The following SATB2 variants were observed in gnomAD, a reference collection of about 807,000 sequenced individuals.
The protein encoded by SATB2 is DNA-binding protein SATB2.
A neutral mutation model predicts 73.4 loss-of-function variants in SATB2; 1 was observed. The observed-to-expected ratio is 0.01, with a 90% CI of 0.00 to 0.06. SATB2 has a LOEUF of 0.06. SATB2 is among the 10% of genes least tolerant of loss of function. The pLI, the probability that SATB2 is intolerant of heterozygous loss-of-function variation, is 1.00. For missense variants in SATB2, 459 were observed against 945.8 expected (o/e 0.49, Z 6.75); for synonymous variants, 397 against 367.0 (o/e 1.08, Z -0.93).
chr2:199,349,499 C>T (rs1012426427), intron 6 of SATB2, among the ~76,000 whole-genome samples: 11 of 152,160 alleles, frequency 7.2e-5, no homozygotes, highest in African/African-American at 2.2e-4. Context: ...CTATCATCTC[C>T]CCAATCAACC....
At chr2:199,352,565 T>C (rs143173409) in intron 6 of SATB2, among the ~76,000 whole-genome samples, 5 of 152,286 alleles carry the variant, frequency 3.3e-5, no homozygotes, top group African/African-American at 1.2e-4. Flanking sequence ...TGTAAAGACA[T>C]AGCAACATAT....
intron 3 of SATB2, among the ~76,000 whole-genome samples, chr2:199,430,622 A>G (rs1365062154): frequency 6.6e-6 from 1 of 152,184 alleles, no homozygotes; most frequent in Non-Finnish European, 1.5e-5. Context: ...TAACACAGGG[A>G]AAGAAATCCC....
intron 3 of SATB2, chr2:199,395,910 G>A (rs926926583): frequency 3.9e-5 from 6 of 152,204 alleles, no homozygotes; most frequent in African/African-American, 1.4e-4. Context: ...ACTTTCGTAT[G>A]TATTTTGGGT....
rs1559160134 is a variant in SATB2, at chr2:199,321,509, T to TGTATATATGTATATATACACATACAC, written c.1542+2293_1542+2294insGTGTATGTGTATATATACATATATAC. On this transcript the variant is annotated intron_variant, in intron 9 of 10. Coordinates refer to ENST00000417098, the MANE Select transcript of SATB2 (RefSeq NM_001172509.2). ...GTATATATGTGTATATACACATACA[T>TGTATATATGTATATATACACATACAC]GTATATACACACATATACATATATA... Among the ~76,000 whole-genome samples the TGTATATATGTATATATACACATACAC allele has an allele frequency of 2.7e-5, 4 of 150,700 alleles. No individual in the cohort carries two copies. In the Admixed American group the frequency reaches 2.7e-4, roughly 10 times the overall value.
chr2:199,445,016 A>G (rs1415649851), intron 2 of SATB2, among the ~76,000 whole-genome samples: 1 of 152,202 alleles, frequency 6.6e-6, no homozygotes, highest in Non-Finnish European at 1.5e-5. Flanking sequence ...ACTGTCTCCC[A>G]CAAACTCACT....
chr2:199,346,339 G>A (rs982640929), intron 7 of SATB2, among the ~76,000 whole-genome samples: 63 of 151,906 alleles, frequency 4.1e-4, no homozygotes, highest in African/African-American at 1.4e-3. Flanking sequence ...TAGTGGAGAC[G>A]AGGTTTCACC....
Position 199,447,742 on chromosome 2 carries a change from C to T in SATB2, c.169+8127G>A, listed in dbSNP as rs1369118650. On this transcript the variant is annotated intron_variant, in intron 2 of 10. Coordinates refer to ENST00000417098, the MANE Select transcript of SATB2 (RefSeq NM_001172509.2). ...GAACTTCCCAGGGAAGAATGAGAGC[C>T]AAATGGTCTCTCCCTAAAACAGATT... Among the ~76,000 whole-genome samples, 4 of 36,962 alleles carry T rather than the reference C, an allele frequency of 1.1e-4. 2 individuals carry two copies. The highest frequency in any genetic ancestry group is 6.5e-4 in the Non-Finnish European group (4 of 6,108). The allele number at this position is 36,962 out of a possible 152,430, so 24.2% of individuals were successfully genotyped here.
chr2:199,431,541 T>C (rs1371879787), intron 3 of SATB2, among the ~76,000 whole-genome samples: 1 of 152,238 alleles, frequency 6.6e-6, no homozygotes, highest in Non-Finnish European at 1.5e-5. Flanking sequence ...TTAGCCTTAA[T>C]ATTCAAAAAC....
chr2:199,334,507 T>C (rs918067513), intron 7 of SATB2, among the ~76,000 whole-genome samples: 55 of 152,078 alleles, frequency 3.6e-4, no homozygotes, highest in African/African-American at 1.3e-3. Context: ...TTGGCACTCA[T>C]ATGGGCCAAC....
chr2:199,290,821 C>T (rs1047328849), intron 10 of SATB2, among the ~76,000 whole-genome samples: 2 of 152,176 alleles, frequency 1.3e-5, no homozygotes, highest in Non-Finnish European at 2.9e-5. Flanking sequence ...ATCACTAGAA[C>T]TTAAAGGGCC....
At chr2:199,356,829 G>A (rs1688999044) in intron 6 of SATB2, among the ~76,000 whole-genome samples, 1 of 151,888 alleles carries the variant, frequency 6.6e-6, no homozygotes, top group African/African-American at 2.4e-5. Flanking sequence ...AACTGTATTG[G>A]CATTTCAGGT....
At chr2:199,349,806 C>T (rs1446907982) in intron 6 of SATB2, among the ~76,000 whole-genome samples, 1 of 152,056 alleles carries the variant, frequency 6.6e-6, no homozygotes, top group Admixed American at 6.6e-5. Context: ...AATAACATCA[C>T]CTCAACTTGC....
In SATB2 at chr2:199,337,736, A is replaced by G. The variant is rs563864659; in HGVS notation, c.1174-8826T>C. Among the ~76,000 whole-genome samples the G allele has an allele frequency of 3.9e-4, 59 of 152,340 alleles. No homozygotes were observed. In the Middle Eastern group the frequency reaches 0.014, roughly 35 times the overall value. On this transcript the variant is annotated intron_variant, in intron 7 of 10. Transcript: ENST00000417098. ...CAATTTTAGACACAGAACTGTATACAGAATTGAAACAACCTAGTAATTTCA... is the reference window on the plus strand; with the variant it reads ...CAATTTTAGACACAGAACTGTATACGGAATTGAAACAACCTAGTAATTTCA...
Position 199,455,732 on chromosome 2 carries a change from CG to C in SATB2, c.169+136del, listed in dbSNP as rs1559065839. 1.1e-6 allele frequency: 1 copy of C among 947,248 alleles called. No individual in the cohort carries two copies. Among genetic ancestry groups the C allele is most frequent in the Non-Finnish European group, 1.6e-6 (1 of 625,358 alleles). 58.7% of individuals were successfully genotyped at this position (947,248 alleles called of 1,614,324 possible). A position where few individuals can be genotyped will look rare whatever the true frequency, so the allele number is the denominator to read the frequency against. On this transcript the variant is annotated intron_variant, in intron 2 of 10. Coordinates refer to ENST00000417098, the MANE Select transcript of SATB2 (RefSeq NM_001172509.2). The surrounding 1 kb of genome is among the most constrained non-coding windows in gnomAD (Gnocchi z 4.1). ...GCTACCAGTTGCAGATGAGAGGCGA[CG>C]GGGGCATTATTTGGCAACCTGGAAT...
chr2:199,440,829 A>G (rs1486023159), intron 2 of SATB2, among the ~76,000 whole-genome samples: 3 of 150,886 alleles, frequency 2.0e-5, no homozygotes, highest in African/African-American at 7.3e-5. Context: ...GTTATGAGGA[A>G]GGCAAACTCT....
intron 1 of SATB2, among the ~76,000 whole-genome samples, chr2:199,456,977 G>GA (rs965048819): frequency 6.7e-6 from 1 of 150,180 alleles, no homozygotes; most frequent in Non-Finnish European, 1.5e-5. Flanking sequence ...TGGGGGGGTG[G>GA]GGGGGGGCGG....
intron 2 of SATB2, among the ~76,000 whole-genome samples, chr2:199,453,837 T>C (rs1407512381): frequency 1.3e-5 from 2 of 152,030 alleles, no homozygotes; most frequent in African/African-American, 4.8e-5. Flanking sequence ...AAAATTTAAA[T>C]TCCACTAAAC....
chr2:199,372,601 C>G (rs1689482443), intron 5 of SATB2, among the ~76,000 whole-genome samples: 1 of 152,070 alleles, frequency 6.6e-6, no homozygotes, highest in Non-Finnish European at 1.5e-5. Flanking sequence ...TGGGAGGCAC[C>G]ATGAAGACAC....
chr2:199,367,685 T>C (rs1290339636), intron 6 of SATB2, among the ~76,000 whole-genome samples: 1 of 152,138 alleles, frequency 6.6e-6, no homozygotes, highest in Non-Finnish European at 1.5e-5. Flanking sequence ...GTGTGATAAA[T>C]ATGTCATACT....
Sources: allele counts gnomAD v4.1 joint callset (sites outside exome capture counted in the v4.1 genomes callset), GRCh38; gene constraint gnomAD v4.1.1; non-coding constraint Gnocchi (gnomAD v3.1); transcripts MANE v1.5; gene names NCBI Gene and HGNC (gene_info 2026-07-23, HGNC 2026-07-21).